Variants in RAB31 observed in about 807,000 individuals in gnomAD.
The protein encoded by RAB31 is ras-related protein Rab-31.
Under a neutral mutation model 25.6 loss-of-function variants are expected in RAB31, and 21 were observed. That is an observed-to-expected ratio of 0.82 (90% CI 0.58 to 1.18). RAB31 has a LOEUF of 1.18. Ranked by LOEUF, RAB31 falls within the 50% of genes most tolerant of loss-of-function variation. The pLI is 0.00. For missense variants in RAB31, 196 were observed against 250.1 expected (o/e 0.78, Z 1.46); for synonymous variants, 87 against 84.0 (o/e 1.04, Z -0.20).
intron 2 of RAB31, among the ~76,000 whole-genome samples, chr18:9,778,714 A>AC (rs1038520197): frequency 1.1e-4 from 16 of 151,626 alleles, no homozygotes; most frequent in East Asian, 7.8e-4. Context: ...CAGGTGATCC[A>AC]CCCCCCTTGG....
At position 9,791,626 on chromosome 18, in the gene RAB31, T is replaced by C. The variant is rs113062389; in HGVS notation, c.120-528T>C. On this transcript the variant is annotated intron_variant, in intron 2 of 6. Transcript: ENST00000578921. ...ACATATTTTTTGAGATGAAGTCTCA[T>C]ACTGTCACCTGGGCTGGAGTACCAT... Among the ~76,000 whole-genome samples, 10 of 152,048 alleles carry C rather than the reference T, an allele frequency of 6.6e-5. 1 individual carries two copies. Among genetic ancestry groups the C allele is most frequent in the African/African-American group, 2.4e-4 (10 of 41,470 alleles).
At chr18:9,776,811 C>T (rs939360310) in intron 2 of RAB31, among the ~76,000 whole-genome samples, 10 of 152,148 alleles carry the variant, frequency 6.6e-5, no homozygotes, top group Non-Finnish European at 1.0e-4. Flanking sequence ...GCAGTGAGCA[C>T]ATCTGTCCTC....
rs1394347602 is a variant in RAB31, at chr18:9,860,668, A to T, written c.*1343A>T. The T allele has an allele frequency of 2.0e-5, 3 of 152,196 alleles. No homozygotes were observed. The highest frequency in any genetic ancestry group is 1.3e-4 in the Admixed American group (2 of 15,274). 9.4% of individuals were successfully genotyped at this position (152,196 alleles called of 1,614,324 possible). A position where few individuals can be genotyped will look rare whatever the true frequency, so the allele number is the denominator to read the frequency against. On this transcript the variant is annotated 3_prime_UTR_variant, in exon 7 of 7. Transcript: ENST00000578921. Reference sequence around the variant, plus strand: ...TATATTAGGGGGTGATTCTTAAAGGACATTAGGATTGGTGCTCAGAAATGG... The same window carrying T: ...TATATTAGGGGGTGATTCTTAAAGGTCATTAGGATTGGTGCTCAGAAATGG...
chr18:9,756,276 T>A (rs1599026000), intron 1 of RAB31, among the ~76,000 whole-genome samples: 1 of 152,204 alleles, frequency 6.6e-6, no homozygotes, highest in African/African-American at 2.4e-5. Context: ...TAATACATCA[T>A]GAGTCAAAAA....
At chr18:9,830,451 C>T (rs901171221) in intron 5 of RAB31, 2 of 152,268 alleles carry the variant, frequency 1.3e-5, no homozygotes, top group African/African-American at 4.8e-5. Context: ...CCAGTTCACC[C>T]CTCCTTAGGC....
chr18:9,719,773 A>G (rs2068065180), intron 1 of RAB31, among the ~76,000 whole-genome samples: 1 of 152,070 alleles, frequency 6.6e-6, no homozygotes, highest in South Asian at 2.1e-4. Flanking sequence ...ACGATGAGTC[A>G]TCAGCCCGAC....
intron 5 of RAB31, among the ~76,000 whole-genome samples, chr18:9,829,911 G>T (rs2068668760): frequency 6.6e-6 from 1 of 151,832 alleles, no homozygotes; most frequent in Non-Finnish European, 1.5e-5. Context: ...TATACTTGAT[G>T]CTATTCTTTT....
At chr18:9,744,768 A>G (rs1366787915) in intron 1 of RAB31, among the ~76,000 whole-genome samples, 1 of 152,240 alleles carries the variant, frequency 6.6e-6, no homozygotes, top group Non-Finnish European at 1.5e-5. Flanking sequence ...ATTGGAAATT[A>G]CCTTGAGATG....
intron 1 of RAB31, among the ~76,000 whole-genome samples, chr18:9,711,301 C>G (rs1347835884): frequency 6.6e-6 from 1 of 152,170 alleles, no homozygotes; most frequent in Non-Finnish European, 1.5e-5. Context: ...CCTTCTGCAT[C>G]AGCCTAGGTT....
At chr18:9,830,145 T>C (rs1399491171) in intron 5 of RAB31, among the ~76,000 whole-genome samples, 11 of 151,852 alleles carry the variant, frequency 7.2e-5, no homozygotes, top group African/African-American at 2.7e-4. Flanking sequence ...GGACTATAGA[T>C]GTGCACCACC....
chr18:9,811,679 A>G (rs761290130), intron 3 of RAB31, among the ~76,000 whole-genome samples: 9 of 152,242 alleles, frequency 5.9e-5, no homozygotes, highest in Non-Finnish European at 1.0e-4. Context: ...TAAGATTTAG[A>G]GGAACCTCGT....
intron 1 of RAB31, among the ~76,000 whole-genome samples, chr18:9,731,753 G>T (rs1349414110): frequency 3.3e-5 from 5 of 151,898 alleles, no homozygotes; most frequent in African/African-American, 1.2e-4. Flanking sequence ...GTGGCACCAC[G>T]CCCAGCTGAT....
At chr18:9,729,887 C>T (rs1186621926) in intron 1 of RAB31, among the ~76,000 whole-genome samples, 1 of 152,022 alleles carries the variant, frequency 6.6e-6, no homozygotes, top group Non-Finnish European at 1.5e-5. Flanking sequence ...TTTTTTTACT[C>T]TTCTCTTGAT....
At position 9,754,208 on chromosome 18, in the gene RAB31, T is replaced by C. The variant is rs548364968; in HGVS notation, c.40-21070T>C. On this transcript the variant is annotated intron_variant, in intron 1 of 6. Transcript: ENST00000578921. ...CAGCCCTCAGTATCTGTGAGTTCCA[T>C]GTTTGTGGACTTAACAACTTTGGAT... 8.5e-5 allele frequency among the ~76,000 whole-genome samples: 13 copies of C among 152,358 alleles called. No homozygotes were observed. The South Asian group carries it at 2.7e-3, about 32-fold the overall frequency.
chr18:9,849,765 T>A (rs534885898), intron 6 of RAB31: 1 of 152,326 alleles, frequency 6.6e-6, no homozygotes, highest in East Asian at 1.9e-4. Flanking sequence ...GGCAAAGAGC[T>A]ATCAGGCAGA....
chr18:9,708,860 G>A lies in RAB31; in HGVS notation c.39+416G>A, dbSNP rs2068000746. On this transcript the variant is annotated intron_variant, in intron 1 of 6. Transcript: ENST00000578921. The surrounding 1 kb of genome is among the most constrained non-coding windows in gnomAD (Gnocchi z 6.4). ...AGTGGCGGCGAGTCTGGGGCCCCGA[G>A]GGCTTTCTCCTCCGCTTTTGATAGT... Among the ~76,000 whole-genome samples the A allele has an allele frequency of 6.6e-6, 1 of 152,216 alleles. No homozygotes were observed. Among genetic ancestry groups the A allele is most frequent in the South Asian group, 2.1e-4 (1 of 4,836 alleles).
chr18:9,860,372 T>G lies in RAB31; in HGVS notation c.*1047T>G, dbSNP rs2068841039. On this transcript the variant is annotated 3_prime_UTR_variant, in exon 7 of 7. Transcript: ENST00000578921. ...AAAAACTACAAAATCAGAAAAAGTA[T>G]TTTTATGTTTCTAGCTTGAGGAGAA... 6.6e-6 allele frequency: 1 copy of G among 152,202 alleles called. No individual in the cohort carries two copies. The highest frequency in any genetic ancestry group is 2.1e-4 in the South Asian group (1 of 4,832). The allele number at this position is 152,202 out of a possible 1,614,324, so 9.4% of individuals were successfully genotyped here.
At chr18:9,742,098 G>A (rs1009348791) in intron 1 of RAB31, among the ~76,000 whole-genome samples, 3 of 152,186 alleles carry the variant, frequency 2.0e-5, no homozygotes, top group Admixed American at 6.5e-5. Context: ...AAGACCACCC[G>A]GCAAAGCACT....
intron 3 of RAB31, chr18:9,797,311 C>T (rs2068491466): frequency 6.6e-6 from 1 of 152,174 alleles, no homozygotes; most frequent in Non-Finnish European, 1.5e-5. Flanking sequence ...TTGCAGCTGC[C>T]TTTAATGAAC....
Sources: gnomAD v4.1 joint callset for allele counts (sites outside exome capture counted in the v4.1 genomes callset) on GRCh38, gnomAD v4.1.1 for gene constraint, Gnocchi (gnomAD v3.1) non-coding constraint, MANE v1.5 for transcripts, NCBI Gene and HGNC (gene_info 2026-07-23, HGNC 2026-07-21) for gene names.